Variants in ZNF76 observed in about 807,000 individuals in gnomAD.
The protein encoded by ZNF76 is zinc finger protein 76, also known as zinc finger protein 523.
In ZNF76, 66 loss-of-function variants were observed where a neutral mutation model predicts 66.9. The observed-to-expected ratio is 0.99, with a 90% CI of 0.81 to 1.21. ZNF76 has a LOEUF of 1.21. ZNF76 is among the 50% of genes most tolerant of loss of function. The probability of loss-of-function intolerance (pLI) is 0.00; values close to 1 mark genes in which losing one functional copy is unlikely to be tolerated. For missense variants in ZNF76, 729 were observed against 760.3 expected (o/e 0.96, Z 0.48); for synonymous variants, 275 against 296.1 (o/e 0.93, Z 0.73).
intron 1 of ZNF76, among the ~76,000 whole-genome samples, chr6:35,262,286 G>A (rs1785368795): frequency 6.6e-6 from 1 of 152,066 alleles, no homozygotes; most frequent in African/African-American, 2.4e-5. Flanking sequence ...CTGCTTCAGG[G>A]GAAAGTCAGA....
In ZNF76 at chr6:35,290,315, G is replaced by A; in HGVS notation, c.482G>A (p.Gly161Glu). The change falls in exon 6 of 14, where the codon GGA (glycine) becomes GAA (glutamate). Residue 161 changes from glycine (G) to glutamate (E), a missense_variant. Coordinates refer to ENST00000373953, the MANE Select transcript of ZNF76 (RefSeq NM_003427.5). ...IPRNGKGQQVGDRAFRCGYKG... is the reference protein window; with the variant it reads ...IPRNGKGQQVEDRAFRCGYKG... ...CGTAATGGAAAAGGGCAGCAAGTTGGAGACAGAGCATTCCGCTGTGGCTAC... is the reference window on the plus strand; with the variant it reads ...CGTAATGGAAAAGGGCAGCAAGTTGAAGACAGAGCATTCCGCTGTGGCTAC... 1 of 1,614,222 alleles carries A rather than the reference G, an allele frequency of 6.2e-7. No homozygotes were observed. Among genetic ancestry groups the A allele is most frequent in the Non-Finnish European group, 8.5e-7 (1 of 1,180,032 alleles).
At chr6:35,290,972 G>A (rs1646634124) in intron 7 of ZNF76, 1 of 596,028 alleles carries the variant, frequency 1.7e-6, no homozygotes, top group Non-Finnish European at 3.0e-6. Flanking sequence ...CCAACCAGCT[G>A]TGGATTATTG....
intron 1 of ZNF76, among the ~76,000 whole-genome samples, chr6:35,260,094 A>C (rs1784984756): frequency 2.5e-5 from 2 of 81,052 alleles, no homozygotes; most frequent in South Asian, 4.0e-4. Flanking sequence ...TTGTGACCCC[A>C]CACCCCACCC....
Position 35,292,592 on chromosome 6 carries a change from A to C in ZNF76, c.970A>C (p.Lys324Gln). 1 of 1,613,550 alleles carries C rather than the reference A, an allele frequency of 6.2e-7. No homozygotes were observed. Among genetic ancestry groups the C allele is most frequent in the Non-Finnish European group, 8.5e-7 (1 of 1,179,980 alleles). ...PYVCTVPGCG[K>Q]RFTEYSSLYK... Reference sequence around the variant, plus strand: ...CGTTTGCACGGTGCCAGGCTGCGGGAAACGCTTCACCGAGTACTCGAGCTT... The same window carrying C: ...CGTTTGCACGGTGCCAGGCTGCGGGCAACGCTTCACCGAGTACTCGAGCTT... The change falls in exon 10 of 14, where the codon AAA becomes CAA. Residue 324 changes from lysine (K) to glutamine (Q), a missense_variant. By Grantham distance (53) the Lys-to-Gln change is moderately conservative (BLOSUM62 1). Transcript: ENST00000373953. This position sits in a 1 kb window ranked among gnomAD's most constrained non-coding sequence, Gnocchi z 4.7.
intron 1 of ZNF76, among the ~76,000 whole-genome samples, chr6:35,272,338 G>A (rs1787197895): frequency 6.6e-6 from 1 of 152,170 alleles, no homozygotes. Context: ...GCTTGGTAGT[G>A]CACACCTGTA....
chr6:35,290,443 C>T (rs1041846745), intron 6 of ZNF76, 61 bp downstream of exon 6: 5 of 1,598,156 alleles, frequency 3.1e-6, no homozygotes, highest in Admixed American at 1.7e-5. Context: ...TGTAATTCTA[C>T]CTTTCTGCTT....
chr6:35,282,069 C>T (rs985247227), intron 2 of ZNF76, among the ~76,000 whole-genome samples: 1 of 151,852 alleles, frequency 6.6e-6, no homozygotes, highest in African/African-American at 2.4e-5. Flanking sequence ...TTGAATTGGA[C>T]GTAACAATGA....
chr6:35,291,821 A>G, intron 9 of ZNF76, 84 bp downstream of exon 9: 4 of 1,503,402 alleles, frequency 2.7e-6, no homozygotes, highest in East Asian at 2.4e-5. Context: ...CACATTCCCA[A>G]CTCCCAGCCC....
chr6:35,259,542 G>T (rs1279369294), upstream of ZNF76: 2 of 152,258 alleles, frequency 1.3e-5, no homozygotes, highest in Non-Finnish European at 2.9e-5. Flanking sequence ...CGAAGAGCTC[G>T]GTTCAGATCC....
intron 1 of ZNF76, among the ~76,000 whole-genome samples, chr6:35,275,414 C>G (rs1787741867): frequency 6.6e-6 from 1 of 152,180 alleles, no homozygotes. Flanking sequence ...CCGGCAAGTG[C>G]AGGCAGAACT....
rs751744981 is a variant in ZNF76 at position 35,287,823 on chromosome 6, C to T, written c.410C>T (p.Ala137Val). 16 of 1,602,890 alleles carry T rather than the reference C, an allele frequency of 1.0e-5. No homozygotes were observed. In the East Asian group the frequency reaches 3.6e-4, roughly 36 times the overall value. Residue 137 changes from alanine (A) to valine (V), a missense_variant, in exon 5 of 14, where the codon GCC (alanine) becomes GTC (valine). Coordinates refer to ENST00000373953, the MANE Select transcript of ZNF76 (RefSeq NM_003427.5). This position sits in a 1 kb window ranked among gnomAD's most constrained non-coding sequence, Gnocchi z 4.0. ...DEGFSADAVV[A>V]LEQYASKVLH... is the part of the protein sequence containing the mutation. ...GGCTTCAGTGCAGACGCAGTGGTGG[C>T]CCTGGAGCAGTATGCCAGCAAGGTG...
intron 1 of ZNF76, 97 bp from the exon 2 acceptor site, chr6:35,280,959 C>T: frequency 1.7e-6 from 1 of 603,336 alleles, no homozygotes; most frequent in African/African-American, 1.8e-5. Flanking sequence ...CATCTTTTTT[C>T]TTCTTGGCTG....
intron 2 of ZNF76, among the ~76,000 whole-genome samples, chr6:35,285,105 A>G (rs1789363478): frequency 6.6e-6 from 1 of 152,228 alleles, no homozygotes. Flanking sequence ...AGGGTCGTCT[A>G]GTTCTAATTT....
chr6:35,289,347 C>T (rs1010407282), intron 5 of ZNF76, among the ~76,000 whole-genome samples: 3 of 152,188 alleles, frequency 2.0e-5, no homozygotes, highest in African/African-American at 7.2e-5. Context: ...TACCCAGAAG[C>T]TGTTTAAGTG....
chr6:35,268,156 G>T (rs1409404543), intron 1 of ZNF76, among the ~76,000 whole-genome samples: 2 of 152,162 alleles, frequency 1.3e-5, no homozygotes, highest in African/African-American at 4.8e-5. Flanking sequence ...AGGCTGAAAG[G>T]CATGCTCTCC....
chr6:35,267,639 G>A (rs1786351903), intron 1 of ZNF76, among the ~76,000 whole-genome samples: 1 of 152,218 alleles, frequency 6.6e-6, no homozygotes, highest in Admixed American at 6.5e-5. Context: ...ATACGATGAT[G>A]GAGAAGACGA....
Position 35,286,347 on chromosome 6 carries a change from G to T in ZNF76, c.180G>T (p.Gln60His), listed in dbSNP as rs199993502. ...AAGCTCTCTCCTTTGAGGATGGTCA[G>T]CCTGTGCAGCTGGAAGATGGCAGCA... The part of the protein sequence containing the change: ...QKEALSFEDG[Q>H]PVQLEDGSMA... The change falls in exon 4 of 14, where the codon CAG becomes CAT. Residue 60 changes from glutamine to histidine, a missense_variant. Gln to His is a conservative substitution (Grantham distance 24). Transcript: ENST00000373953. The T allele has an allele frequency of 6.2e-7, 1 of 1,614,230 alleles. No homozygotes were observed. Among genetic ancestry groups the T allele is most frequent in the East Asian group, 2.2e-5 (1 of 44,886 alleles).
chr6:35,289,889 G>A (rs767401376), intron 5 of ZNF76, among the ~76,000 whole-genome samples: 62 of 152,140 alleles, frequency 4.1e-4, no homozygotes, highest in Middle Eastern at 3.2e-3. Flanking sequence ...AGAGTTGCAG[G>A]CTCCTAGGTG....
At chr6:35,273,016 C>G (rs1787338696) in intron 1 of ZNF76, among the ~76,000 whole-genome samples, 1 of 151,992 alleles carries the variant, frequency 6.6e-6, no homozygotes, top group African/African-American at 2.4e-5. Flanking sequence ...ATTAGCCGGG[C>G]CTGGTGGCGC....
Sources: gnomAD v4.1 joint callset for allele counts (sites outside exome capture counted in the v4.1 genomes callset) on GRCh38, gnomAD v4.1.1 for gene constraint, Gnocchi (gnomAD v3.1) non-coding constraint, MANE v1.5 for transcripts, NCBI Gene and HGNC (gene_info 2026-07-23, HGNC 2026-07-21) for gene names.